Variants in RC3H2 observed in about 807,000 individuals in gnomAD.
The protein encoded by RC3H2 is roquin-2.
A neutral mutation model predicts 133.3 loss-of-function variants in RC3H2; 31 were observed. The ratio of observed to expected loss-of-function variants is 0.23; its 90% CI spans 0.17 to 0.31. The LOEUF (loss-of-function observed/expected upper bound fraction) is 0.31, where lower values mean the gene tolerates loss of function less well. Ranked by LOEUF, RC3H2 falls within the 10% of genes least tolerant of loss-of-function variation. RC3H2 has a pLI of 1.00. For missense variants in RC3H2, 1,175 were observed against 1,437.2 expected, an observed-to-expected ratio of 0.82 and a Z score of 2.95; for synonymous variants, 517 against 502.2, an observed-to-expected ratio of 1.03 and a Z score of -0.40.
At chr9:122,862,879 G>A (rs1006945708) in intron 10 of RC3H2, among the ~76,000 whole-genome samples, 3 of 134,658 alleles carry the variant, frequency 2.2e-5, no homozygotes, top group African/African-American at 8.4e-5. Flanking sequence ...GGGTGACAGA[G>A]AGACTCCATC....
intron 3 of RC3H2, 41 bp downstream of exon 3, chr9:122,892,868 C>G (rs763039993): frequency 1.3e-5 from 19 of 1,475,356 alleles, no homozygotes; most frequent in Non-Finnish European, 1.7e-5. Flanking sequence ...AATGTACTAC[C>G]AAGTCCTACT....
At chr9:122,860,260 A>T in intron 10 of RC3H2, 129 bp from the exon 11 acceptor site, 1 of 668,406 alleles carries the variant, frequency 1.5e-6, no homozygotes, top group Non-Finnish European at 2.6e-6. Flanking sequence ...TGCCACATTG[A>T]CAAATAAGGC....
chr9:122,855,940 T>C (rs1830229530), intron 13 of RC3H2, 62 bp from the exon 14 acceptor site: 1 of 1,319,748 alleles, frequency 7.6e-7, no homozygotes, highest in South Asian at 1.5e-5. Flanking sequence ...AGCTTGTAAC[T>C]AATATAAAGT....
intron 5 of RC3H2, among the ~76,000 whole-genome samples, chr9:122,882,794 G>T (rs1490757953): frequency 6.6e-6 from 1 of 152,134 alleles, no homozygotes; most frequent in African/African-American, 2.4e-5. Flanking sequence ...TCAGATTAAA[G>T]GTGTTAATCT....
Position 122,854,124 on chromosome 9 carries a change from A to C in RC3H2, c.2983-38T>G, listed in dbSNP as rs199513585. The C allele has an allele frequency of 1.2e-5, 20 of 1,612,124 alleles. No individual in the cohort carries two copies. The African/African-American group carries it at 2.3e-4, about 18-fold the overall frequency. ...GGAAAAAAAGAAAAGTTAGCTTCCA[A>C]CTATAGCTTTCAACTGTCATTCTAT... On this transcript the variant is annotated intron_variant, in intron 17 of 20. Transcript: ENST00000357244.
At chr9:122,893,078 G>A (rs753045755) in intron 2 of RC3H2, 52 bp from the exon 3 acceptor site, 1 of 1,570,836 alleles carries the variant, frequency 6.4e-7, no homozygotes, top group East Asian at 2.2e-5. Context: ...TCCAGCTCAT[G>A]CAACTATTAT....
intron 9 of RC3H2, among the ~76,000 whole-genome samples, chr9:122,866,485 G>GGCGCACTGCAACCTCCCT (rs1554769560): frequency 4.0e-5 from 6 of 150,852 alleles, no homozygotes; most frequent in Non-Finnish European, 8.9e-5. Context: ...CTGCCATCTC[G>GGCGCACTGCAACCTCCCT]GCTCACTGCA....
Position 122,855,893 on chromosome 9 carries a change from AT to A in RC3H2, c.2455-16del. On this transcript the variant is annotated splice_polypyrimidine_tract_variant and intron_variant, in intron 13 of 20. Coordinates refer to ENST00000357244, the MANE Select transcript of RC3H2 (RefSeq NM_001100588.3). ...CTCTCTGAGAACTGGTTAAAAAAAAATAAATAAAGCCAATTAGTAAGAAGCT... is the reference window on the plus strand; with the variant it reads ...CTCTCTGAGAACTGGTTAAAAAAAAAAAATAAAGCCAATTAGTAAGAAGCT... 6.3e-7 allele frequency: 1 copy of A among 1,590,358 alleles called. No individual in the cohort carries two copies. The highest frequency in any genetic ancestry group is 8.5e-7 in the Non-Finnish European group (1 of 1,170,508).
chr9:122,881,174 C>T (rs897943722), intron 5 of RC3H2, among the ~76,000 whole-genome samples: 21 of 152,132 alleles, frequency 1.4e-4, no homozygotes, highest in African/African-American at 4.6e-4. Flanking sequence ...GCACAATAAA[C>T]AGGAGTTTCC....
chr9:122,902,845 T>C (rs1269499853), intron 1 of RC3H2, among the ~76,000 whole-genome samples: 3 of 133,460 alleles, frequency 2.2e-5, no homozygotes, highest in East Asian at 5.7e-4. Context: ...AGAGAGACTG[T>C]CTCAAAAAAA....
chr9:122,850,750 C>G (rs1431785999), intron 20 of RC3H2, among the ~76,000 whole-genome samples: 3 of 152,144 alleles, frequency 2.0e-5, no homozygotes, highest in African/African-American at 7.2e-5. Context: ...CCAAGAAAAT[C>G]TTAACATGAT....
At position 122,901,174 on chromosome 9, in the gene RC3H2, T is replaced by C. The variant is rs536420687; in HGVS notation, c.-67-3598A>G. ...ATGTATACATCATTTTACAATTCTC[T>C]TAATAAAAATGTAAACCTTAGGGCT... is the stretch of plus-strand genomic sequence containing the variant. On this transcript the variant is annotated intron_variant, in intron 1 of 20. Transcript: ENST00000357244. Among the ~76,000 whole-genome samples the C allele has an allele frequency of 2.6e-5, 4 of 152,362 alleles. No individual in the cohort carries two copies. In the East Asian group the frequency reaches 7.7e-4, roughly 29 times the overall value.
chr9:122,869,633 G>C (rs1211811995), intron 9 of RC3H2, among the ~76,000 whole-genome samples: 1 of 147,492 alleles, frequency 6.8e-6, no homozygotes, highest in Non-Finnish European at 1.5e-5. Context: ...TGTGATCTCA[G>C]CTCACTGCAA....
chr9:122,855,380 A>T lies in RC3H2; in HGVS notation c.2619T>A (p.Asp873Glu), dbSNP rs1251341015. The T allele has an allele frequency of 1.1e-5, 17 of 1,613,286 alleles. No homozygotes were observed. Among genetic ancestry groups the T allele is most frequent in the Non-Finnish European group, 1.4e-5 (17 of 1,179,944 alleles). Reference protein sequence around the residue: ...NAVLMDLDSGDVKRRVHLFET... With the variant: ...NAVLMDLDSGEVKRRVHLFET... ...CAAATAAATGTACTCTTCTCTTAAC[A>T]TCACCACTGTCCAGGTCCTATGTAA... The change falls in exon 15 of 21, where the codon GAT (aspartate) becomes GAA (glutamate). Residue 873 changes from aspartate (D) to glutamate (E), a missense_variant. Asp to Glu is a conservative substitution (Grantham distance 45). Coordinates refer to ENST00000357244, the MANE Select transcript of RC3H2 (RefSeq NM_001100588.3).
intron 9 of RC3H2, among the ~76,000 whole-genome samples, chr9:122,870,418 AAAAAAC>A (rs1295784355): frequency 1.4e-4 from 20 of 146,626 alleles, no homozygotes; most frequent in Middle Eastern, 3.4e-3. Context: ...ACAAACAAAA[AAAAAAC>A]AACAAACTGA....
intron 9 of RC3H2, among the ~76,000 whole-genome samples, chr9:122,869,352 T>C (rs1830955900): frequency 6.6e-6 from 1 of 152,226 alleles, no homozygotes; most frequent in Non-Finnish European, 1.5e-5. Context: ...GTGTTAGTAG[T>C]AAGCAATGCC....
At chr9:122,905,000 A>T in intron 1 of RC3H2, 110 bp downstream of exon 1, 2 of 771,834 alleles carry the variant, frequency 2.6e-6, no homozygotes, top group East Asian at 1.3e-4. Context: ...TCGAGGCACC[A>T]GGGGCGACAG....
chr9:122,848,653 A>C lies in RC3H2; in HGVS notation c.*974T>G, dbSNP rs1829917958. On this transcript the variant is annotated 3_prime_UTR_variant, in exon 21 of 21. Coordinates refer to ENST00000357244, the MANE Select transcript of RC3H2 (RefSeq NM_001100588.3). ...AATGAACAACCAAATTAATTAGTTT[A>C]AATTAAAAACCCAGCAATACCATCT... 6.6e-6 allele frequency: 1 copy of C among 152,218 alleles called. No individual in the cohort carries two copies. Among genetic ancestry groups the C allele is most frequent in the African/African-American group, 2.4e-5 (1 of 41,466 alleles). 9.4% of individuals were successfully genotyped at this position (152,218 alleles called of 1,614,324 possible).
In RC3H2 at chr9:122,857,961, G is replaced by A. The variant is rs1461422103; in HGVS notation, c.2416C>T (p.Pro806Ser). Residue 806 changes from proline to serine, a missense_variant, in exon 13 of 21, where the codon CCA becomes TCA. Pro to Ser is a moderately conservative substitution (Grantham distance 74, BLOSUM62 -1). Around this residue, in one of 8 missense-constraint regions of RC3H2, gnomAD observed 490 missense variants for 492.8 expected, o/e 0.99. Coordinates refer to ENST00000357244, the MANE Select transcript of RC3H2 (RefSeq NM_001100588.3). ...TCTACACTGAACAGAGGAGAAGGTG[G>A]TGTTGGTGACTGTGTTGCCACAGGA... ...TLPVATQSPTPPSPLFSVDFR... is the reference protein window; with the variant it reads ...TLPVATQSPTSPSPLFSVDFR... 6.2e-7 allele frequency: 1 copy of A among 1,614,176 alleles called. No homozygotes were observed. The highest frequency in any genetic ancestry group is 8.5e-7 in the Non-Finnish European group (1 of 1,179,984).
Sources: allele counts gnomAD v4.1 joint callset (sites outside exome capture counted in the v4.1 genomes callset), GRCh38; gene constraint gnomAD v4.1.1; regional missense constraint gnomAD v4.1.1; transcripts MANE v1.5; gene names NCBI Gene and HGNC (gene_info 2026-07-23, HGNC 2026-07-21).